FAM47E: variants seen among roughly 807,000 people sequenced by gnomAD.
FAM47E encodes protein FAM47E.
A neutral mutation model predicts 41.6 loss-of-function variants in FAM47E; 32 were observed. The observed-to-expected ratio is 0.77, with a 90% CI of 0.58 to 1.03. The LOEUF is 1.03. Among genes scored for constraint, FAM47E ranks in the 50% least tolerant of loss-of-function variants. The pLI is 0.00. For missense variants in FAM47E, 424 were observed against 485.4 expected (o/e 0.87, Z 1.19); for synonymous variants, 184 against 188.7 (o/e 0.98, Z 0.20).
chr4:76,254,534 A>T (rs55870158), intron 1 of FAM47E, among the ~76,000 whole-genome samples: 2 of 151,960 alleles, frequency 1.3e-5, no homozygotes, highest in Admixed American at 6.5e-5. Context: ...CTAGATCTTC[A>T]CAGTAGAGTT....
At chr4:76,275,413 T>C (rs80116429) in intron 5 of FAM47E, among the ~76,000 whole-genome samples, 1 of 152,344 alleles carries the variant, frequency 6.6e-6, no homozygotes, top group African/African-American at 2.4e-5. Context: ...CTATTTTATA[T>C]ATCTTTCTTT....
intron 2 of FAM47E, 112 bp downstream of exon 2, chr4:76,256,635 T>A (rs1336846701): frequency 7.7e-7 from 1 of 1,290,406 alleles, no homozygotes; most frequent in East Asian, 2.6e-5. Context: ...AGAGGAGTGA[T>A]GAATGTCTCC....
At chr4:76,218,072 A>T (rs1318224223) in intron 2 of FAM47E, among the ~76,000 whole-genome samples, 1 of 152,238 alleles carries the variant, frequency 6.6e-6, no homozygotes, top group Non-Finnish European at 1.5e-5. Flanking sequence ...TCATGCCTGT[A>T]ATCCCAGCAT....
Position 76,277,950 on chromosome 4 carries a change from G to A in FAM47E, c.871-119G>A, listed in dbSNP as rs1189111475. 5 of 1,246,560 alleles carry A rather than the reference G, an allele frequency of 4.0e-6. No individual in the cohort carries two copies. The East Asian group carries it at 1.5e-4, about 37-fold the overall frequency. The allele number at this position is 1,246,560 out of a possible 1,614,324, so 77.2% of individuals were successfully genotyped here. ...TGCTGAAACTTCACAAAATACTTTG[G>A]CAAGGACCAACCTAAATTCCAAAGT... On this transcript the variant is annotated intron_variant, in intron 5 of 7. Coordinates refer to ENST00000424749, the MANE Select transcript of FAM47E (RefSeq NM_001136570.3).
At position 76,263,758 on chromosome 4, in the gene FAM47E, T is replaced by G; in HGVS notation, c.475T>G (p.Trp159Gly). 6.4e-7 allele frequency: 1 copy of G among 1,551,666 alleles called. No individual in the cohort carries two copies. The highest frequency in any genetic ancestry group is 1.2e-5 in the South Asian group (1 of 84,038). Residue 159 changes from tryptophan to glycine, a missense_variant, in exon 3 of 8, where the codon TGG becomes GGG. Trp to Gly is a radical substitution (Grantham distance 184). Coordinates refer to ENST00000424749, the MANE Select transcript of FAM47E (RefSeq NM_001136570.3). ...TCCTGACCGGAAGCTGGAGGACACATGGGCTTATTGTCAGGACACCAGGAA... is the reference window on the plus strand; with the variant it reads ...TCCTGACCGGAAGCTGGAGGACACAGGGGCTTATTGTCAGGACACCAGGAA... ...LDPDRKLEDT[W>G]AYCQDTRKGM... is the part of the protein sequence containing the mutation.
At chr4:76,257,075 C>T (rs1734225164) in intron 2 of FAM47E, among the ~76,000 whole-genome samples, 1 of 152,130 alleles carries the variant, frequency 6.6e-6, no homozygotes, top group Admixed American at 6.5e-5. Flanking sequence ...CCTTAGTATG[C>T]ATCTCTCGTC....
chr4:76,233,074 T>C (rs902152857), intron 2 of FAM47E, among the ~76,000 whole-genome samples: 2 of 151,836 alleles, frequency 1.3e-5, no homozygotes, highest in East Asian at 1.9e-4. Context: ...TGCTTCCTTA[T>C]AACCTTTTAC....
At chr4:76,247,620 TTTA>T (rs745875204), upstream of FAM47E, among the ~76,000 whole-genome samples, 41 of 152,312 alleles carry the variant, frequency 2.7e-4, no homozygotes, top group Middle Eastern at 3.4e-3. Context: ...TTCGTTTGTT[TTTA>T]TTATTATAAC....
chr4:76,272,068 G>T (rs908224514), intron 5 of FAM47E, among the ~76,000 whole-genome samples: 5 of 152,154 alleles, frequency 3.3e-5, no homozygotes, highest in African/African-American at 4.8e-5. Flanking sequence ...TACATGAATG[G>T]TTATTATTGC....
rs1032156290 is a variant in FAM47E, at chr4:76,278,237, A to G, written c.1026+13A>G. 9.3e-6 allele frequency: 14 copies of G among 1,513,308 alleles called. No homozygotes were observed. Among genetic ancestry groups the G allele is most frequent in the Non-Finnish European group, 1.2e-5 (14 of 1,133,494 alleles). 93.7% of individuals were successfully genotyped at this position (1,513,308 alleles called of 1,614,324 possible). ...GCTGCAGGAACAGGTATGTATTTAT[A>G]CTGAGATTTGATCATCTGAGCTTCA... On this transcript the variant is annotated intron_variant, in intron 6 of 7. Transcript: ENST00000424749.
intron 2 of FAM47E, 29 bp downstream of exon 2, chr4:76,256,552 G>C (rs945925904): frequency 4.6e-6 from 7 of 1,506,246 alleles, no homozygotes; most frequent in South Asian, 1.3e-5. Context: ...TGTGGGAGGG[G>C]CTTCACTGGG....
intron 2 of FAM47E, among the ~76,000 whole-genome samples, chr4:76,228,820 A>G (rs1733445108): frequency 6.6e-6 from 1 of 152,156 alleles, no homozygotes; most frequent in Non-Finnish European, 1.5e-5. Context: ...CTTGATGACT[A>G]TGTGCCCAGG....
chr4:76,238,532 G>A (rs763356210), intron 2 of FAM47E, among the ~76,000 whole-genome samples: 6 of 152,110 alleles, frequency 3.9e-5, no homozygotes, highest in Admixed American at 3.3e-4. Context: ...TCAGCCCAGT[G>A]ATCATCAAGA....
chr4:76,260,236 A>T (rs981447840), intron 2 of FAM47E, among the ~76,000 whole-genome samples: 1 of 152,212 alleles, frequency 6.6e-6, no homozygotes, highest in Admixed American at 6.5e-5. Flanking sequence ...ACAGAATCAA[A>T]AAAGTGTCTG....
chr4:76,258,826 G>T (rs1734290191), intron 2 of FAM47E, among the ~76,000 whole-genome samples: 1 of 152,154 alleles, frequency 6.6e-6, no homozygotes, highest in Non-Finnish European at 1.5e-5. Flanking sequence ...GTTGCATCGT[G>T]GTAGGTGGAC....
intron 5 of FAM47E, among the ~76,000 whole-genome samples, chr4:76,272,720 T>C (rs1275213826): frequency 1.3e-5 from 2 of 152,204 alleles, no homozygotes; most frequent in African/African-American, 4.8e-5. Flanking sequence ...ACCTGAGGCC[T>C]GAACCACTGC....
chr4:76,249,951 C>T (rs1733916719), upstream of FAM47E, among the ~76,000 whole-genome samples: 1 of 152,058 alleles, frequency 6.6e-6, no homozygotes, highest in Non-Finnish European at 1.5e-5. Flanking sequence ...TCTCTATCCA[C>T]TCATCGATTG....
intron 7 of FAM47E, chr4:76,280,947 C>T (rs1370167799): frequency 6.6e-6 from 1 of 152,254 alleles, no homozygotes; most frequent in Non-Finnish European, 1.5e-5. Flanking sequence ...CAATGTGGTC[C>T]CCCTTTGGAC....
chr4:76,214,193 G>A, exon 1 of FAM47E: 7 of 454,046 alleles, frequency 1.5e-5, no homozygotes, highest in South Asian at 1.1e-4. Context: ...TGCTCTAGAG[G>A]CGCTCGCAAG....
Sources: gnomAD v4.1 joint callset for allele counts (sites outside exome capture counted in the v4.1 genomes callset) on GRCh38, gnomAD v4.1.1 for gene constraint, MANE v1.5 for transcripts, NCBI Gene and HGNC (gene_info 2026-07-23, HGNC 2026-07-21) for gene names.